The following ATP1A3 variants were observed in gnomAD, a reference collection of about 807,000 sequenced individuals.
The protein encoded by ATP1A3 is ATPase Na+/K+ transporting subunit alpha 3, also known as sodium/potassium-transporting ATPase subunit alpha-3.
Under a neutral mutation model 108.8 loss-of-function variants are expected in ATP1A3, and 12 were observed. The observed-to-expected ratio is 0.11, with a 90% CI of 0.07 to 0.18. ATP1A3 has a LOEUF of 0.18. Ranked by LOEUF, ATP1A3 falls within the 10% of genes least tolerant of loss-of-function variation. The pLI is 1.00. For synonymous variants in ATP1A3, 539 were observed against 564.5 expected (o/e 0.95, Z 0.64); for missense variants, 498 against 1,387.7 (o/e 0.36, Z 10.19).
Position 41,981,385 on chromosome 19 carries a change from G to A in ATP1A3, c.1437+117C>T. On this transcript the variant is annotated intron_variant, in intron 11 of 22. Transcript: ENST00000648268. This position sits in a 1 kb window ranked among gnomAD's most constrained non-coding sequence, Gnocchi z 5.0. Reference sequence around the variant, plus strand: ...GCTCTCCCTGTTCCTCTCCCCACCAGGCGGGTATTATCATTCCCATTTTAC... The same window carrying A: ...GCTCTCCCTGTTCCTCTCCCCACCAAGCGGGTATTATCATTCCCATTTTAC... The A allele has an allele frequency of 6.7e-7, 1 of 1,485,472 alleles. No individual in the cohort carries two copies. Among genetic ancestry groups the A allele is most frequent in the Non-Finnish European group, 9.3e-7 (1 of 1,069,786 alleles). 92.0% of individuals were successfully genotyped at this position (1,485,472 alleles called of 1,614,324 possible).
intron 15 of ATP1A3, 31 bp from the exon 16 acceptor site, chr19:41,975,828 A>T: frequency 1.2e-6 from 2 of 1,609,360 alleles, no homozygotes. Flanking sequence ...GATGACACCC[A>T]GAGGCCAGTC....
intron 11 of ATP1A3, among the ~76,000 whole-genome samples, chr19:41,980,780 G>A (rs145538109): frequency 0.021 from 3,182 of 151,990 alleles, 103 homozygotes; most frequent in African/African-American, 0.072. Context: ...GCATGGTGGC[G>A]GGCGCCTGTA....
chr19:41,981,379 C>A lies in ATP1A3; in HGVS notation c.1437+123G>T, dbSNP rs1163126466. ...TCTCAAGCTCTCCCTGTTCCTCTCCCCACCAGGCGGGTATTATCATTCCCA... is the reference window on the plus strand; with the variant it reads ...TCTCAAGCTCTCCCTGTTCCTCTCCACACCAGGCGGGTATTATCATTCCCA... On this transcript the variant is annotated intron_variant, in intron 11 of 22. Coordinates refer to ENST00000648268, the MANE Select transcript of ATP1A3 (RefSeq NM_152296.5). This position sits in a 1 kb window ranked among gnomAD's most constrained non-coding sequence, Gnocchi z 5.0. The A allele has an allele frequency of 1.5e-5, 22 of 1,481,718 alleles. No homozygotes were observed. The African/African-American group carries it at 3.0e-4, about 21-fold the overall frequency. The allele number at this position is 1,481,718 out of a possible 1,614,324, so 91.8% of individuals were successfully genotyped here.
chr19:41,972,855 A>C (rs1555860220), intron 16 of ATP1A3, among the ~76,000 whole-genome samples: 3 of 132,714 alleles, frequency 2.3e-5, no homozygotes, highest in African/African-American at 9.2e-5. Context: ...GGAAGGAAGG[A>C]AGGAAAGAAG....
rs533902752 is a variant in ATP1A3 at position 41,993,465 on chromosome 19, C to A, written c.6+606G>T. The A allele has an allele frequency of 4.2e-5, 64 of 1,532,860 alleles. No individual in the cohort carries two copies. The African/African-American group carries it at 8.2e-4, about 20-fold the overall frequency. 95.0% of individuals were successfully genotyped at this position (1,532,860 alleles called of 1,614,324 possible). On this transcript the variant is annotated intron_variant, in intron 1 of 22. Coordinates refer to ENST00000648268, the MANE Select transcript of ATP1A3 (RefSeq NM_152296.5). ...CCCTACATGAGGGGCTGCACACACA[C>A]ACACTGCAGCCCCAGGCTGCGACAC...
chr19:41,993,410 TCTC>T (rs1477666185), intron 1 of ATP1A3: 7 of 1,534,708 alleles, frequency 4.6e-6, no homozygotes, highest in Non-Finnish European at 2.6e-6. Context: ...CTCCTGTTCC[TCTC>T]CTCCTCCCAG....
intron 16 of ATP1A3, among the ~76,000 whole-genome samples, chr19:41,974,186 G>C (rs1174355598): frequency 6.6e-6 from 1 of 152,108 alleles, no homozygotes; most frequent in African/African-American, 2.4e-5. Context: ...AGCCGAGATT[G>C]CATGCCTGTA....
chr19:41,984,763 A>C (rs2075270130), intron 8 of ATP1A3, 155 bp downstream of exon 8: 3 of 902,296 alleles, frequency 3.3e-6, no homozygotes, highest in Non-Finnish European at 3.3e-6. Flanking sequence ...CCAGGGGTCC[A>C]GATCCCAGCC....
chr19:41,976,366 G>C (rs782630840), intron 15 of ATP1A3, 50 bp downstream of exon 15: 2 of 1,610,608 alleles, frequency 1.2e-6, no homozygotes, highest in East Asian at 2.2e-5. Context: ...GCCTCAGTGA[G>C]GACCCAGGAG....
Position 41,981,396 on chromosome 19 carries a change from T to A in ATP1A3, c.1437+106A>T. The A allele has an allele frequency of 6.4e-7, 1 of 1,562,898 alleles. No individual in the cohort carries two copies. The highest frequency in any genetic ancestry group is 1.1e-5 in the South Asian group (1 of 89,362). ...TCCTCTCCCCACCAGGCGGGTATTA[T>A]CATTCCCATTTTACAGACGGGAAAA... On this transcript the variant is annotated intron_variant, in intron 11 of 22. Coordinates refer to ENST00000648268, the MANE Select transcript of ATP1A3 (RefSeq NM_152296.5). The surrounding 1 kb of genome is among the most constrained non-coding windows in gnomAD (Gnocchi z 5.0).
At chr19:41,970,766 G>T (rs1555859695) in intron 16 of ATP1A3, among the ~76,000 whole-genome samples, 1 of 150,804 alleles carries the variant, frequency 6.6e-6, no homozygotes, top group African/African-American at 2.4e-5. Flanking sequence ...CGAGTAGCTG[G>T]CACTACAGGC....
chr19:41,973,708 A>G (rs2075136735), intron 16 of ATP1A3, among the ~76,000 whole-genome samples: 1 of 152,228 alleles, frequency 6.6e-6, no homozygotes, highest in African/African-American at 2.4e-5. Context: ...TAACTTGTTT[A>G]AGGCTGTCTC....
chr19:41,993,298 A>T, intron 1 of ATP1A3: 2 of 1,260,462 alleles, frequency 1.6e-6, no homozygotes, highest in Non-Finnish European at 2.2e-6. Flanking sequence ...AGACAAGGAC[A>T]CACGGACACA....
intron 4 of ATP1A3, among the ~76,000 whole-genome samples, chr19:41,987,476 C>A (rs1018051652): frequency 6.6e-6 from 1 of 152,128 alleles, no homozygotes; most frequent in Non-Finnish European, 1.5e-5. Context: ...TGTGCACACA[C>A]GCCTACCCAG....
intron 8 of ATP1A3, 120 bp downstream of exon 8, chr19:41,984,798 C>T: frequency 8.1e-7 from 1 of 1,232,518 alleles, no homozygotes; most frequent in African/African-American, 1.5e-5. Flanking sequence ...CACACGGGTC[C>T]AGGCCTCTAG....
rs1555859191 is a variant in ATP1A3 at position 41,968,960 on chromosome 19, T to C, written c.2689-45A>G. The C allele has an allele frequency of 6.2e-7, 1 of 1,612,540 alleles. No individual in the cohort carries two copies. The highest frequency in any genetic ancestry group is 1.1e-5 in the South Asian group (1 of 91,036). On this transcript the variant is annotated intron_variant, in intron 19 of 22. Coordinates refer to ENST00000648268, the MANE Select transcript of ATP1A3 (RefSeq NM_152296.5). The surrounding 1 kb of genome is among the most constrained non-coding windows in gnomAD (Gnocchi z 5.0). The stretch of plus-strand genomic sequence containing the variant: ...GGCACGGGACGTCAGTTAGTGGCAC[T>C]GCAGCCCTAGCCGCCACCCCGACGT...
chr19:41,978,778 C>T lies in ATP1A3; in HGVS notation c.1458G>A (p.Glu486=). 6.2e-7 allele frequency: 1 copy of T among 1,613,968 alleles called. No individual in the cohort carries two copies. Among genetic ancestry groups the T allele is most frequent in the Non-Finnish European group, 8.5e-7 (1 of 1,179,966 alleles). ...GCAGGTATCGGTTGTCGTTGGGGTCCTCGGTCTCATGGATGGAGAGCTGGG... is the reference window on the plus strand; with the variant it reads ...GCAGGTATCGGTTGTCGTTGGGGTCTTCGGTCTCATGGATGGAGAGCTGGG... ...NKYQLSIHET[E]DPNDNRYLLV... Residue 486 remains glutamate, a synonymous_variant, in exon 12 of 23, where the codon GAG becomes GAA. Transcript: ENST00000648268. The surrounding 1 kb of genome is among the most constrained non-coding windows in gnomAD (Gnocchi z 8.3).
chr19:41,974,727 G>C (rs78959888), intron 16 of ATP1A3, among the ~76,000 whole-genome samples: 142 of 152,346 alleles, frequency 9.3e-4, no homozygotes, highest in African/African-American at 3.3e-3. Flanking sequence ...TTCTGCATTT[G>C]TCTATGATTA....
Position 41,967,380 on chromosome 19 carries a change from T to G in ATP1A3, c.2922-40A>C. The stretch of plus-strand genomic sequence containing the variant: ...GCAGGAGGGCTTGAGTGCGGGGCCC[T>G]AACGAGAGGCAGAGTTTCAGGGGAC... On this transcript the variant is annotated intron_variant, in intron 21 of 22. Coordinates refer to ENST00000648268, the MANE Select transcript of ATP1A3 (RefSeq NM_152296.5). The surrounding 1 kb of genome is among the most constrained non-coding windows in gnomAD (Gnocchi z 4.2). 1 of 1,585,016 alleles carries G rather than the reference T, an allele frequency of 6.3e-7. No individual in the cohort carries two copies. Among genetic ancestry groups the G allele is most frequent in the Non-Finnish European group, 8.6e-7 (1 of 1,166,314 alleles).
Sources: gnomAD v4.1 joint callset for allele counts (sites outside exome capture counted in the v4.1 genomes callset) on GRCh38, gnomAD v4.1.1 for gene constraint, Gnocchi (gnomAD v3.1) non-coding constraint, MANE v1.5 for transcripts, NCBI Gene and HGNC (gene_info 2026-07-23, HGNC 2026-07-21) for gene names.